Variants in CHRM3 observed in about 807,000 individuals in gnomAD.
CHRM3 encodes the protein muscarinic acetylcholine receptor M3.
A neutral mutation model predicts 41.8 loss-of-function variants in CHRM3; 11 were observed. The ratio of observed to expected loss-of-function variants is 0.26; its 90% CI spans 0.17 to 0.44. The LOEUF (loss-of-function observed/expected upper bound fraction) is 0.44. Ranked by LOEUF, CHRM3 falls within the 20% of genes least tolerant of loss-of-function variation. CHRM3 has a pLI of 1.00. For synonymous variants in CHRM3, 297 were observed against 301.4 expected (o/e 0.99, Z 0.15); for missense variants, 571 against 745.4 (o/e 0.77, Z 2.72).
chr1:239,515,351 A>G (rs930051898), intron 2 of CHRM3, among the ~76,000 whole-genome samples: 6 of 151,498 alleles, frequency 4.0e-5, no homozygotes, highest in Non-Finnish European at 8.8e-5. Flanking sequence ...AAAATATCTC[A>G]TATCTGTGTA....
intron 1 of CHRM3, among the ~76,000 whole-genome samples, chr1:239,460,860 G>A (rs941298075): frequency 6.6e-6 from 1 of 152,180 alleles, no homozygotes; most frequent in Non-Finnish European, 1.5e-5. Context: ...AAGATTCTTA[G>A]ACAAATGTAT....
chr1:239,409,527 G>T (rs1471694187), intron 1 of CHRM3, among the ~76,000 whole-genome samples: 1 of 152,100 alleles, frequency 6.6e-6, no homozygotes, highest in African/African-American at 2.4e-5. Flanking sequence ...AAACCTTTGG[G>T]CTCTGAATAG....
chr1:239,792,550 A>G (rs1040950700), intron 5 of CHRM3, among the ~76,000 whole-genome samples: 2 of 152,230 alleles, frequency 1.3e-5, no homozygotes, highest in Non-Finnish European at 2.9e-5. Context: ...AGACAAATAG[A>G]TGAAATCATT....
At chr1:239,895,954 A>G in intron 6 of CHRM3, among the ~76,000 whole-genome samples, 1 of 152,182 alleles carries the variant, frequency 6.6e-6, no homozygotes, top group Non-Finnish European at 1.5e-5. Context: ...CTGCCCATGT[A>G]CCCCTGAACC....
Position 239,907,697 on chromosome 1 carries a change from C to T in CHRM3, c.246C>T (p.Thr82=), listed in dbSNP as rs1192229462. ...AFLTGILALV[T]IIGNILVIVS... Reference sequence around the variant, plus strand: ...TAACGGGCATCCTGGCCTTGGTGACCATCATCGGCAACATCCTGGTAATTG... The same window carrying T: ...TAACGGGCATCCTGGCCTTGGTGACTATCATCGGCAACATCCTGGTAATTG... The change falls in exon 7 of 7, where the codon ACC becomes ACT. Residue 82 remains threonine, a synonymous_variant. Coordinates refer to ENST00000676153, the MANE Select transcript of CHRM3 (RefSeq NM_001375978.1). This position sits in a 1 kb window ranked among gnomAD's most constrained non-coding sequence, Gnocchi z 5.4. The T allele has an allele frequency of 6.2e-7, 1 of 1,614,062 alleles. No homozygotes were observed. The highest frequency in any genetic ancestry group is 1.3e-5 in the African/African-American group (1 of 74,926).
At chr1:239,453,844 G>T (rs527441332) in intron 1 of CHRM3, among the ~76,000 whole-genome samples, 6 of 152,178 alleles carry the variant, frequency 3.9e-5, no homozygotes, top group African/African-American at 1.4e-4. Context: ...AGAGTAGGTG[G>T]GGAAGGCCTC....
intron 5 of CHRM3, among the ~76,000 whole-genome samples, chr1:239,787,918 G>T (rs933400961): frequency 1.3e-5 from 2 of 152,184 alleles, no homozygotes; most frequent in South Asian, 4.1e-4. Flanking sequence ...CACTGTAATT[G>T]TTATTTCACT....
chr1:239,868,909 C>T (rs984380315), intron 6 of CHRM3, among the ~76,000 whole-genome samples: 1 of 152,212 alleles, frequency 6.6e-6, no homozygotes, highest in Non-Finnish European at 1.5e-5. Context: ...TAATAGTCTG[C>T]TTCACGTGAA....
At chr1:239,530,861 A>G (rs1159718810) in intron 2 of CHRM3, among the ~76,000 whole-genome samples, 1 of 152,202 alleles carries the variant, frequency 6.6e-6, no homozygotes, top group Non-Finnish European at 1.5e-5. Context: ...AAGCATATCA[A>G]TGTATGAGAG....
At chr1:239,508,377 G>C (rs574825989) in intron 2 of CHRM3, among the ~76,000 whole-genome samples, 2 of 152,264 alleles carry the variant, frequency 1.3e-5, no homozygotes, top group South Asian at 4.1e-4. Context: ...ATATGTTTAA[G>C]TGCCAAATTT....
At chr1:239,507,280 G>C (rs990137711) in intron 2 of CHRM3, among the ~76,000 whole-genome samples, 10 of 152,146 alleles carry the variant, frequency 6.6e-5, no homozygotes, top group Admixed American at 6.6e-4. Flanking sequence ...GGGACACAGT[G>C]GGAGGTAATT....
At chr1:239,683,749 A>T (rs1457700553) in intron 5 of CHRM3, among the ~76,000 whole-genome samples, 1 of 152,174 alleles carries the variant, frequency 6.6e-6, no homozygotes, top group Non-Finnish European at 1.5e-5. Context: ...GTCAGGTAAT[A>T]TATTACCTAA....
At chr1:239,436,115 G>A (rs1196336273) in intron 1 of CHRM3, among the ~76,000 whole-genome samples, 1 of 152,194 alleles carries the variant, frequency 6.6e-6, no homozygotes, top group African/African-American at 2.4e-5. Context: ...GTGTGCATGT[G>A]TATGCTCATG....
intron 2 of CHRM3, among the ~76,000 whole-genome samples, chr1:239,531,166 C>CATA (rs946660646): frequency 2.6e-5 from 4 of 151,376 alleles, no homozygotes; most frequent in Non-Finnish European, 5.9e-5. Flanking sequence ...TCATATGACC[C>CATA]ATAATAATAA....
chr1:239,635,841 G>GT (rs1376597286), intron 4 of CHRM3, among the ~76,000 whole-genome samples: 1 of 152,114 alleles, frequency 6.6e-6, no homozygotes, highest in Non-Finnish European at 1.5e-5. Context: ...GTAAATGTTT[G>GT]TTGAGTAAAT....
chr1:239,595,530 A>T (rs1304308955), intron 3 of CHRM3, among the ~76,000 whole-genome samples: 1 of 152,160 alleles, frequency 6.6e-6, no homozygotes, highest in Admixed American at 6.5e-5. Context: ...AAGTATTTGG[A>T]AATGATGTAT....
At chr1:239,906,615 C>A (rs1280157375) in intron 6 of CHRM3, among the ~76,000 whole-genome samples, 2 of 152,138 alleles carry the variant, frequency 1.3e-5, no homozygotes, top group African/African-American at 4.8e-5. Context: ...TGTGTGAAAG[C>A]ACTAGTTGCA....
chr1:239,630,454 A>G (rs80026294), intron 3 of CHRM3, among the ~76,000 whole-genome samples: 12 of 152,324 alleles, frequency 7.9e-5, no homozygotes, highest in African/African-American at 2.9e-4. Context: ...GAGTTAACTG[A>G]GTACTTGCCC....
intron 3 of CHRM3, among the ~76,000 whole-genome samples, chr1:239,567,642 C>A (rs1247286203): frequency 6.6e-6 from 1 of 152,090 alleles, no homozygotes; most frequent in East Asian, 1.9e-4. Context: ...CTTCTACCCC[C>A]ACAGGTCAAA....
Sources: gnomAD v4.1 joint callset for allele counts (sites outside exome capture counted in the v4.1 genomes callset) on GRCh38, gnomAD v4.1.1 for gene constraint, Gnocchi (gnomAD v3.1) non-coding constraint, MANE v1.5 for transcripts, NCBI Gene and HGNC (gene_info 2026-07-23, HGNC 2026-07-21) for gene names.